The following CDH10 variants were observed in gnomAD, a reference collection of about 807,000 sequenced individuals.
The protein encoded by CDH10 is cadherin 10, also known as cadherin-10.
In CDH10, 30 loss-of-function variants were observed where a neutral mutation model predicts 73.1. The observed-to-expected ratio is 0.41, with a 90% CI of 0.31 to 0.56. The LOEUF (loss-of-function observed/expected upper bound fraction) is 0.56. Ranked by LOEUF, CDH10 falls within the 20% of genes least tolerant of loss-of-function variation. CDH10 has a pLI of 0.27. For missense variants in CDH10, 815 were observed against 973.7 expected (o/e 0.84, Z 2.17); for synonymous variants, 345 against 348.2 (o/e 0.99, Z 0.10).
chr5:24,517,516 TA>T, intron 5 of CDH10, among the ~76,000 whole-genome samples: 1 of 152,302 alleles, frequency 6.6e-6, no homozygotes, highest in African/African-American at 2.4e-5. Context: ...GGCCAACATT[TA>T]GAAAATTTGA....
chr5:24,610,231 T>C (rs909256632), intron 1 of CDH10, among the ~76,000 whole-genome samples: 1 of 152,178 alleles, frequency 6.6e-6, no homozygotes, highest in Non-Finnish European at 1.5e-5. Flanking sequence ...TTTTAAAATA[T>C]TGTGAAGTAG....
chr5:24,559,457 T>C (rs996964841), intron 2 of CDH10, among the ~76,000 whole-genome samples: 9 of 152,088 alleles, frequency 5.9e-5, no homozygotes, highest in African/African-American at 2.2e-4. Flanking sequence ...CTTAGATTAA[T>C]ATCCAATCAA....
At chr5:24,643,846 T>C (rs975002622) in intron 1 of CDH10, among the ~76,000 whole-genome samples, 6 of 152,164 alleles carry the variant, frequency 3.9e-5, no homozygotes, top group Non-Finnish European at 7.4e-5. Context: ...GACATGCATT[T>C]ATACTTGCAA....
chr5:24,587,724 TTA>T, intron 2 of CDH10, among the ~76,000 whole-genome samples: 2 of 121,860 alleles, frequency 1.6e-5, no homozygotes, highest in East Asian at 6.4e-4. Context: ...ATTGGCTAAA[TTA>T]TAGATATAAA....
chr5:24,577,650 T>C (rs898074704), intron 2 of CDH10, among the ~76,000 whole-genome samples: 1 of 152,226 alleles, frequency 6.6e-6, no homozygotes, highest in Admixed American at 6.5e-5. Context: ...GAAATTGATT[T>C]AATTTATGAA....
chr5:24,492,754 T>C, intron 10 of CDH10, 63 bp downstream of exon 10: 1 of 766,590 alleles, frequency 1.3e-6, no homozygotes, highest in East Asian at 2.5e-5. Flanking sequence ...TTGCAATGGT[T>C]ACACTCGGGA....
chr5:24,629,515 T>G (rs1016652122), intron 1 of CDH10, among the ~76,000 whole-genome samples: 1 of 151,466 alleles, frequency 6.6e-6, no homozygotes, highest in African/African-American at 2.4e-5. Context: ...TTGCTTTAGC[T>G]TAAAGAAGGA....
At chr5:24,493,423 C>T (rs1742139118) in intron 9 of CDH10, among the ~76,000 whole-genome samples, 1 of 151,800 alleles carries the variant, frequency 6.6e-6, no homozygotes, top group Non-Finnish European at 1.5e-5. Flanking sequence ...TTAACTTACA[C>T]TTTCAATAAA....
intron 9 of CDH10, among the ~76,000 whole-genome samples, chr5:24,493,264 T>C (rs1346187544): frequency 6.6e-6 from 1 of 152,004 alleles, no homozygotes; most frequent in East Asian, 1.9e-4. Context: ...GTCAGAAAAA[T>C]TTAGGAAATT....
At chr5:24,628,800 A>T (rs1579486323) in intron 1 of CDH10, among the ~76,000 whole-genome samples, 1 of 151,896 alleles carries the variant, frequency 6.6e-6, no homozygotes, top group East Asian at 1.9e-4. Flanking sequence ...ACAGAAATAC[A>T]AATTCTAGAA....
At chr5:24,555,984 G>A (rs944361012) in intron 2 of CDH10, among the ~76,000 whole-genome samples, 8 of 152,122 alleles carry the variant, frequency 5.3e-5, no homozygotes, top group African/African-American at 1.9e-4. Context: ...ACTTCTAGGA[G>A]AAACCTTATT....
intron 5 of CDH10, among the ~76,000 whole-genome samples, chr5:24,514,580 T>C (rs1465357818): frequency 1.3e-5 from 2 of 152,312 alleles, no homozygotes; most frequent in African/African-American, 4.8e-5. Flanking sequence ...GGCACTTCAA[T>C]AAATGAATTT....
chr5:24,509,945 A>G, intron 6 of CDH10, 126 bp from the exon 7 acceptor site: 1 of 615,388 alleles, frequency 1.6e-6, no homozygotes, highest in South Asian at 2.6e-5. Context: ...TATAAATAAA[A>G]AAGACTAACA....
rs1357497612 is a variant in CDH10, at chr5:24,491,752, A to G, written c.1700T>C (p.Val567Ala). ...HEISTYLLPVVISDNDYPIQS... is the reference protein window; with the variant it reads ...HEISTYLLPVAISDNDYPIQS... ...AATTGGGTAATCATTGTCTGATATC[A>G]CCACAGGCAAGAGATAGGTACTGAT... Residue 567 changes from valine to alanine, a missense_variant, in exon 11 of 12, where the codon GTG (valine) becomes GCG (alanine). By Grantham distance (64) the Val-to-Ala change is moderately conservative. This residue lies in a region of CDH10 where 516 missense variants were observed against 636.6 expected (regional missense o/e 0.81). Transcript: ENST00000264463. 6.2e-7 allele frequency: 1 copy of G among 1,611,974 alleles called. No individual in the cohort carries two copies. The highest frequency in any genetic ancestry group is 8.5e-7 in the Non-Finnish European group (1 of 1,178,202).
intron 2 of CDH10, among the ~76,000 whole-genome samples, chr5:24,546,164 G>A (rs900947322): frequency 4.0e-5 from 6 of 151,656 alleles, no homozygotes; most frequent in African/African-American, 1.5e-4. Context: ...GGCTATGAAT[G>A]CTATCCTTGA....
At chr5:24,515,754 T>A (rs1382771617) in intron 5 of CDH10, among the ~76,000 whole-genome samples, 1 of 152,126 alleles carries the variant, frequency 6.6e-6, no homozygotes, top group Non-Finnish European at 1.5e-5. Flanking sequence ...CCTGCCCAAA[T>A]CTCATCTTGA....
chr5:24,570,520 C>A (rs1037915787), intron 2 of CDH10, among the ~76,000 whole-genome samples: 2 of 151,974 alleles, frequency 1.3e-5, no homozygotes, highest in African/African-American at 4.8e-5. Flanking sequence ...GCATCACTGC[C>A]CAACTGTTGA....
intron 1 of CDH10, among the ~76,000 whole-genome samples, chr5:24,598,478 T>C (rs1323047467): frequency 6.6e-6 from 1 of 151,794 alleles, no homozygotes; most frequent in African/African-American, 2.4e-5. Flanking sequence ...TTAAATTGGA[T>C]TGAATATTAT....
intron 2 of CDH10, among the ~76,000 whole-genome samples, chr5:24,577,785 T>C (rs902065412): frequency 3.3e-5 from 5 of 152,284 alleles, no homozygotes; most frequent in Admixed American, 6.5e-5. Flanking sequence ...ATATATGTTA[T>C]AAAAATTGAA....
Sources: gnomAD v4.1 joint callset for allele counts (sites outside exome capture counted in the v4.1 genomes callset) on GRCh38, gnomAD v4.1.1 for gene constraint, gnomAD v4.1.1 regional missense constraint, MANE v1.5 for transcripts, NCBI Gene and HGNC (gene_info 2026-07-23, HGNC 2026-07-21) for gene names.